The following RBFOX1 variants were observed in gnomAD, a reference collection of about 807,000 sequenced individuals.
RBFOX1 encodes RNA binding fox-1 homolog 1.
Under a neutral mutation model 57.7 loss-of-function variants are expected in RBFOX1, and 8 were observed. The observed-to-expected ratio is 0.14, with a 90% CI of 0.08 to 0.25. The LOEUF is 0.25. Ranked by LOEUF, RBFOX1 falls within the 10% of genes least tolerant of loss-of-function variation. RBFOX1 has a pLI of 1.00. For missense variants in RBFOX1, 611 were observed against 548.5 expected (o/e 1.11, Z -1.14); for synonymous variants, 326 against 222.4 (o/e 1.47, Z -4.15).
chr16:7,522,380 A>G lies in RBFOX1; in HGVS notation c.270+3991A>G, dbSNP rs11643548. Among the ~76,000 whole-genome samples, 10 of 152,276 alleles carry G rather than the reference A, an allele frequency of 6.6e-5. No individual in the cohort carries two copies. The South Asian group carries it at 2.1e-3, about 32-fold the overall frequency. ...ATGGGATGTTCAGATTGGGCATTCA[A>G]CCAGTTGAATGTTGGGCTATACAGC... On this transcript the variant is annotated intron_variant, in intron 5 of 15. Transcript: ENST00000550418.
At chr16:6,903,367 C>G (rs541698712) in intron 3 of RBFOX1, among the ~76,000 whole-genome samples, 3 of 152,280 alleles carry the variant, frequency 2.0e-5, no homozygotes, top group South Asian at 2.1e-4. Flanking sequence ...TGATGGGAAA[C>G]CATTGCACAG....
At chr16:5,692,165 CTGTGTGTGTGTGTG>C (rs199585814) in intron 3 of RBFOX1, among the ~76,000 whole-genome samples, 230 of 22,938 alleles carry the variant, frequency 0.01, no homozygotes, top group African/African-American at 0.012. Flanking sequence ...TAGGGACTGA[CTGTGTGTGTGTGTG>C]TGTGTGTGTG....
At chr16:5,627,734 AT>A (rs2151296477) in intron 3 of RBFOX1, among the ~76,000 whole-genome samples, 1 of 152,340 alleles carries the variant, frequency 6.6e-6, no homozygotes, top group East Asian at 1.9e-4. Flanking sequence ...AAAATACAGT[AT>A]AACAACTATT....
chr16:6,820,675 A>AAAAC (rs113286053), intron 3 of RBFOX1, among the ~76,000 whole-genome samples: 60,694 of 151,628 alleles, frequency 0.4, 12,968 homozygotes, highest in Non-Finnish European at 0.49. Context: ...AAAAACAAGC[A>AAAAC]AAACAAACAA....
intron 3 of RBFOX1, among the ~76,000 whole-genome samples, chr16:6,895,413 A>AAT (rs199590751): frequency 7.3e-5 from 8 of 110,132 alleles, no homozygotes; most frequent in African/African-American, 2.5e-4. Context: ...AGTTGTTAGT[A>AAT]ATATATGTGT....
chr16:7,661,200 A>AGAG (rs1181879598), intron 12 of RBFOX1, among the ~76,000 whole-genome samples: 5 of 152,184 alleles, frequency 3.3e-5, no homozygotes, highest in African/African-American at 1.2e-4. Context: ...CACATTTTTT[A>AGAG]GAGTTATCCT....
At chr16:5,727,587 T>A (rs1356350233) in intron 3 of RBFOX1, among the ~76,000 whole-genome samples, 3 of 152,208 alleles carry the variant, frequency 2.0e-5, no homozygotes, top group Non-Finnish European at 4.4e-5. Context: ...AGAACTTACT[T>A]ATCTTTTAAC....
chr16:6,730,006 C>G (rs558854190), intron 3 of RBFOX1, among the ~76,000 whole-genome samples: 2 of 151,946 alleles, frequency 1.3e-5, no homozygotes, highest in Admixed American at 1.3e-4. Flanking sequence ...ATATTTTTGT[C>G]TAGGAAGTAA....
At chr16:5,861,797 C>G (rs2057222966) in intron 3 of RBFOX1, among the ~76,000 whole-genome samples, 1 of 152,168 alleles carries the variant, frequency 6.6e-6, no homozygotes, top group Non-Finnish European at 1.5e-5. Flanking sequence ...GTTGCCCTTT[C>G]TCTTGAACCC....
intron 4 of RBFOX1, among the ~76,000 whole-genome samples, chr16:5,960,489 A>G (rs1473031510): frequency 1.3e-5 from 2 of 152,162 alleles, no homozygotes; most frequent in Admixed American, 6.5e-5. Context: ...TGACAATGTC[A>G]TCTTCAAACA....
intron 3 of RBFOX1, among the ~76,000 whole-genome samples, chr16:6,999,397 G>C (rs988717592): frequency 2.9e-4 from 44 of 150,844 alleles, no homozygotes; most frequent in African/African-American, 1.0e-3. Flanking sequence ...GTGGACCAGA[G>C]TGATTTGGTG....
chr16:6,072,026 A>G (rs776705144), intron 1 of RBFOX1, among the ~76,000 whole-genome samples: 4 of 152,212 alleles, frequency 2.6e-5, no homozygotes, highest in Non-Finnish European at 5.9e-5. Flanking sequence ...AAGACTGGGT[A>G]ACTTACAAAG....
chr16:7,123,436 C>T (rs954878813), intron 4 of RBFOX1, among the ~76,000 whole-genome samples: 1 of 152,162 alleles, frequency 6.6e-6, no homozygotes, highest in Non-Finnish European at 1.5e-5. Flanking sequence ...GCCAATACAG[C>T]TCACTGTAAC....
intron 4 of RBFOX1, among the ~76,000 whole-genome samples, chr16:7,280,394 A>G (rs2095518069): frequency 1.3e-5 from 2 of 152,234 alleles, no homozygotes. Flanking sequence ...AAAGACATGC[A>G]CAGTATCTGC....
At chr16:7,405,271 G>C (rs1046360466) in intron 4 of RBFOX1, among the ~76,000 whole-genome samples, 6 of 152,226 alleles carry the variant, frequency 3.9e-5, no homozygotes, top group African/African-American at 1.4e-4. Flanking sequence ...GCTGATGCCA[G>C]CCCAGAGGCA....
intron 4 of RBFOX1, among the ~76,000 whole-genome samples, chr16:7,516,606 G>C (rs1298191310): frequency 6.6e-6 from 1 of 152,188 alleles, no homozygotes; most frequent in African/African-American, 2.4e-5. Flanking sequence ...CCAGTGCTAT[G>C]GGAAAATGTT....
At chr16:7,339,257 A>G (rs1359219526) in intron 4 of RBFOX1, among the ~76,000 whole-genome samples, 3 of 152,198 alleles carry the variant, frequency 2.0e-5, no homozygotes, top group East Asian at 3.9e-4. Context: ...TTATTCAGCA[A>G]TTATCTATTG....
In RBFOX1 at chr16:6,483,935, C is replaced by T. The variant is rs1011723170; in HGVS notation, c.-64+166878C>T. Reference sequence around the variant, plus strand: ...ACGCGGTATGTAAGCCGAGCTCCAGCTCCGGGGACCTCGGAGACTGTGCTC... The same window carrying T: ...ACGCGGTATGTAAGCCGAGCTCCAGTTCCGGGGACCTCGGAGACTGTGCTC... On this transcript the variant is annotated intron_variant, in intron 2 of 15. Coordinates refer to ENST00000550418, the MANE Select transcript of RBFOX1 (RefSeq NM_018723.4). The T allele has an allele frequency of 2.8e-5, 30 of 1,064,534 alleles. No homozygotes were observed. In the Admixed American group the frequency reaches 8.1e-4, roughly 29 times the overall value. 65.9% of individuals were successfully genotyped at this position (1,064,534 alleles called of 1,614,324 possible). A position where few individuals can be genotyped will look rare whatever the true frequency, so the allele number is the denominator to read the frequency against.
chr16:5,589,987 C>A (rs1051590068), intron 2 of RBFOX1, among the ~76,000 whole-genome samples: 1 of 152,084 alleles, frequency 6.6e-6, no homozygotes, highest in Non-Finnish European at 1.5e-5. Flanking sequence ...ACTGGGTTTT[C>A]TATTCCTGCC....
Sources: gnomAD v4.1 joint callset for allele counts (sites outside exome capture counted in the v4.1 genomes callset) on GRCh38, gnomAD v4.1.1 for gene constraint, MANE v1.5 for transcripts, NCBI Gene and HGNC (gene_info 2026-07-23, HGNC 2026-07-21) for gene names.